Variants in ARFGEF2 observed in about 807,000 individuals in gnomAD.
ARFGEF2 encodes ARF guanine nucleotide exchange factor 2.
ARFGEF2 carries 74 observed loss-of-function variants against 219.9 expected under a neutral mutation model. The observed-to-expected ratio is 0.34, with a 90% CI of 0.28 to 0.41. ARFGEF2 has a LOEUF of 0.41. Among genes scored for constraint, ARFGEF2 ranks in the 10% least tolerant of loss-of-function variants. ARFGEF2 has a pLI of 1.00. For synonymous variants in ARFGEF2, 733 were observed against 799.2 expected (o/e 0.92, Z 1.40); for missense variants, 1,743 against 2,218.3 (o/e 0.79, Z 4.30).
intron 2 of ARFGEF2, 57 bp from the exon 3 acceptor site, chr20:48,941,807 A>G: frequency 1.2e-6 from 2 of 1,612,880 alleles, no homozygotes; most frequent in Non-Finnish European, 1.7e-6. Context: ...ATGGGAAGTT[A>G]GAGTAAGGTG....
intron 21 of ARFGEF2, 99 bp downstream of exon 21, chr20:48,991,297 G>C: frequency 1.3e-6 from 2 of 1,519,844 alleles, no homozygotes; most frequent in East Asian, 4.5e-5. Flanking sequence ...TTTTCTTGAA[G>C]TCAAATCACT....
chr20:48,988,249 G>T, intron 16 of ARFGEF2, 55 bp from the exon 17 acceptor site: 1 of 1,315,192 alleles, frequency 7.6e-7, no homozygotes. Context: ...TGTTAGCATT[G>T]TACCTTCCAA....
At chr20:48,960,869 C>G (rs1157991879) in intron 6 of ARFGEF2, among the ~76,000 whole-genome samples, 1 of 151,010 alleles carries the variant, frequency 6.6e-6, no homozygotes, top group Non-Finnish European at 1.5e-5. Context: ...ATCACGAGGT[C>G]AAGAGATCGA....
chr20:48,952,746 T>G lies in ARFGEF2; in HGVS notation c.465T>G (p.His155Gln). Residue 155 changes from histidine to glutamine, a missense_variant, in exon 5 of 39, where the codon CAT becomes CAG. Physicochemically the swap from His to Gln is conservative, Grantham distance 24 (BLOSUM62 0). Coordinates refer to ENST00000371917, the MANE Select transcript of ARFGEF2 (RefSeq NM_006420.3). ...TAVTSPHIEI[H>Q]EGTILQTVRT... ...TGACTTCCCCACACATTGAAATTCATGAGGGTACTATCCTGCAGACAGTGA... is the reference window on the plus strand; with the variant it reads ...TGACTTCCCCACACATTGAAATTCAGGAGGGTACTATCCTGCAGACAGTGA... 1 of 1,614,254 alleles carries G rather than the reference T, an allele frequency of 6.2e-7. No homozygotes were observed. The highest frequency in any genetic ancestry group is 1.1e-5 in the South Asian group (1 of 91,088).
rs1015556424 is a variant in ARFGEF2 at position 48,921,720 on chromosome 20, C to G, written c.-170C>G. ...AGCGGCCTCGCCAGTCACGTGGTCACGTGACGCGCTCCAACATGGCGGCGC... is the reference window on the plus strand; with the variant it reads ...AGCGGCCTCGCCAGTCACGTGGTCAGGTGACGCGCTCCAACATGGCGGCGC... On this transcript the variant is annotated 5_prime_UTR_variant, in exon 1 of 39. Coordinates refer to ENST00000371917, the MANE Select transcript of ARFGEF2 (RefSeq NM_006420.3). Among the ~76,000 whole-genome samples the G allele has an allele frequency of 6.6e-6, 1 of 152,074 alleles. No homozygotes were observed. The highest frequency in any genetic ancestry group is 1.5e-5 in the Non-Finnish European group (1 of 67,972).
At chr20:49,028,829 G>A (rs2057203542) in intron 37 of ARFGEF2, among the ~76,000 whole-genome samples, 161 bp downstream of exon 37, 1 of 151,828 alleles carries the variant, frequency 6.6e-6, no homozygotes, top group African/African-American at 2.4e-5. Flanking sequence ...TTTTCTTAAT[G>A]CCCTGAAGAG....
At chr20:48,936,289 G>C (rs1326831263) in intron 1 of ARFGEF2, among the ~76,000 whole-genome samples, 1 of 148,992 alleles carries the variant, frequency 6.7e-6, no homozygotes, top group African/African-American at 2.5e-5. Flanking sequence ...CGGCTGGCCA[G>C]GCGGGGGGCT....
chr20:48,962,777 G>A (rs1325741090), intron 6 of ARFGEF2, among the ~76,000 whole-genome samples: 2 of 152,050 alleles, frequency 1.3e-5, no homozygotes, highest in Non-Finnish European at 2.9e-5. Flanking sequence ...ACTGCCCTCC[G>A]GGACCTTATA....
At chr20:48,964,926 G>GCCCA (rs2091178461) in intron 7 of ARFGEF2, among the ~76,000 whole-genome samples, 1 of 152,052 alleles carries the variant, frequency 6.6e-6, no homozygotes, top group Non-Finnish European at 1.5e-5. Context: ...CATGAAATGT[G>GCCCA]TTTCAGTTAC....
At chr20:48,942,403 G>A (rs1187356758) in intron 3 of ARFGEF2, among the ~76,000 whole-genome samples, 1 of 151,066 alleles carries the variant, frequency 6.6e-6, no homozygotes, top group African/African-American at 2.4e-5. Context: ...TACCACCTTG[G>A]CTTTCCAAAG....
In ARFGEF2 at chr20:48,921,983, C is replaced by T. The variant is rs1290414444; in HGVS notation, c.94C>T (p.Leu32=). 6.3e-7 allele frequency: 1 copy of T among 1,579,748 alleles called. No individual in the cohort carries two copies. The highest frequency in any genetic ancestry group is 8.6e-7 in the Non-Finnish European group (1 of 1,163,158). Residue 32 remains leucine, a synonymous_variant, in exon 1 of 39, where the codon CTG becomes TTG. Coordinates refer to ENST00000371917, the MANE Select transcript of ARFGEF2 (RefSeq NM_006420.3). Reference sequence around the variant, plus strand: ...GGTGAAGCGGCCCCAGCACTCCCAGCTGCGCAGGGCCTGCCAGGTGGCGCT... The same window carrying T: ...GGTGAAGCGGCCCCAGCACTCCCAGTTGCGCAGGGCCTGCCAGGTGGCGCT... The part of the protein sequence containing the change: ...KEVKRPQHSQ[L]RRACQVALDE...
chr20:48,922,922 A>C (rs2090852522), intron 1 of ARFGEF2, among the ~76,000 whole-genome samples: 1 of 150,146 alleles, frequency 6.7e-6, no homozygotes, highest in Admixed American at 6.6e-5. Context: ...ATAATTAATT[A>C]AGAAAATAGG....
intron 36 of ARFGEF2, among the ~76,000 whole-genome samples, chr20:49,027,844 C>G (rs1284234208): frequency 1.3e-5 from 2 of 152,162 alleles, no homozygotes; most frequent in Non-Finnish European, 2.9e-5. Flanking sequence ...TAAAATGTTT[C>G]AGGCCAGGCT....
intron 31 of ARFGEF2, 69 bp downstream of exon 31, chr20:49,016,484 T>C: frequency 6.5e-7 from 1 of 1,535,788 alleles, no homozygotes; most frequent in Non-Finnish European, 8.9e-7. Flanking sequence ...TTTTTCAATA[T>C]TTAAAAGCAT....
intron 38 of ARFGEF2, 83 bp from the exon 39 acceptor site, chr20:49,032,940 G>C (rs2091645317): frequency 4.6e-6 from 6 of 1,301,176 alleles, no homozygotes; most frequent in Non-Finnish European, 6.6e-6. Flanking sequence ...ATAAGTTCCA[G>C]GGTGAGATTA....
At position 48,974,770 on chromosome 20, in the gene ARFGEF2, T is replaced by A; in HGVS notation, c.1670T>A (p.Leu557His). Reference sequence around the variant, plus strand: ...CTGTGTGACTTCGTCCCTTAGGAGCTCAGCCTGAGGAAGAAAGGCCTGGAG... The same window carrying A: ...CTGTGTGACTTCGTCCCTTAGGAGCACAGCCTGAGGAAGAAAGGCCTGGAG... ...HELGMTPLQELSLRKKGLECL... is the reference protein window; with the variant it reads ...HELGMTPLQEHSLRKKGLECL... Residue 557 changes from leucine to histidine, a missense_variant, in exon 13 of 39, where the codon CTC becomes CAC. By Grantham distance (99) the Leu-to-His change is moderately conservative. Transcript: ENST00000371917. The A allele has an allele frequency of 6.2e-7, 1 of 1,612,884 alleles. No homozygotes were observed.
At chr20:49,006,877 G>GTTTTTTTTTTTT (rs763801014) in intron 26 of ARFGEF2, among the ~76,000 whole-genome samples, 1 of 147,030 alleles carries the variant, frequency 6.8e-6, no homozygotes, top group Non-Finnish European at 1.5e-5. Context: ...GCCGTTGGAG[G>GTTTTTTTTTTTT]TTTTTGTTTT....
rs781565088 is a variant in ARFGEF2 at position 48,922,019 on chromosome 20, G to A, written c.121+9G>A. On this transcript the variant is annotated intron_variant, in intron 1 of 38. Coordinates refer to ENST00000371917, the MANE Select transcript of ARFGEF2 (RefSeq NM_006420.3). ...CTGCCAGGTGGCGCTCGGTGGGTGA[G>A]CCGCTCCCGCCCTGCCCCGCGCTGG... 7.0e-6 allele frequency: 11 copies of A among 1,573,030 alleles called. No homozygotes were observed. Among genetic ancestry groups the A allele is most frequent in the Non-Finnish European group, 9.5e-6 (11 of 1,160,162 alleles).
At chr20:48,990,120 G>A (rs915027690) in intron 20 of ARFGEF2, among the ~76,000 whole-genome samples, 9 of 152,126 alleles carry the variant, frequency 5.9e-5, no homozygotes, top group South Asian at 2.1e-4. Context: ...TGGAGGTTGC[G>A]GTGAGCCGAG....
Sources: allele counts gnomAD v4.1 joint callset (sites outside exome capture counted in the v4.1 genomes callset), GRCh38; gene constraint gnomAD v4.1.1; transcripts MANE v1.5; gene names NCBI Gene and HGNC (gene_info 2026-07-23, HGNC 2026-07-21).